The following KYAT3 variants were observed in gnomAD, a reference collection of about 807,000 sequenced individuals.
KYAT3 encodes the protein kynurenine aminotransferase 3.
A neutral mutation model predicts 59.0 loss-of-function variants in KYAT3; 50 were observed. That is an observed-to-expected ratio of 0.85 (90% CI 0.68 to 1.07). KYAT3 has a LOEUF of 1.07. KYAT3 is among the 50% of genes least tolerant of loss of function. The pLI is 0.00. For synonymous variants in KYAT3, 148 were observed against 177.0 expected (o/e 0.84, Z 1.30); for missense variants, 497 against 533.3 (o/e 0.93, Z 0.67).
At chr1:88,978,975 G>C (rs1350377326) in intron 2 of KYAT3, among the ~76,000 whole-genome samples, 2 of 152,144 alleles carry the variant, frequency 1.3e-5, no homozygotes, top group African/African-American at 4.8e-5. Flanking sequence ...TTTTGCTAAA[G>C]GGCAGAGTAC....
intron 2 of KYAT3, among the ~76,000 whole-genome samples, chr1:88,975,431 A>C (rs542099400): frequency 1.3e-5 from 2 of 152,142 alleles, no homozygotes; most frequent in African/African-American, 2.4e-5. Context: ...GATTACAGGC[A>C]TGAGCCACAG....
At chr1:88,978,299 C>T (rs1676893843) in intron 2 of KYAT3, among the ~76,000 whole-genome samples, 1 of 151,880 alleles carries the variant, frequency 6.6e-6, no homozygotes, top group African/African-American at 2.4e-5. Flanking sequence ...GTGTTGGCTG[C>T]TCATGCTTCT....
chr1:88,934,661 T>A (rs1294384703), downstream of KYAT3, among the ~76,000 whole-genome samples: 1 of 152,094 alleles, frequency 6.6e-6, no homozygotes, highest in Non-Finnish European at 1.5e-5. Context: ...GATAGAACAA[T>A]GGTGCAAATA....
the KYAT3 span, among the ~76,000 whole-genome samples, chr1:88,929,262 C>T: frequency 1.3e-5 from 2 of 152,196 alleles, no homozygotes; most frequent in South Asian, 2.1e-4. Context: ...AGAAACCCAA[C>T]GGACAGTGGA....
At chr1:88,925,787 AG>A in the KYAT3 span, among the ~76,000 whole-genome samples, 1 of 152,190 alleles carries the variant, frequency 6.6e-6, no homozygotes, top group Non-Finnish European at 1.5e-5. Flanking sequence ...AAAGAGAAAA[AG>A]AAAAAGACAG....
intron 13 of KYAT3, among the ~76,000 whole-genome samples, chr1:88,936,529 T>C (rs567794516): frequency 1.5e-3 from 222 of 152,320 alleles, no homozygotes; most frequent in Non-Finnish European, 2.7e-3. Flanking sequence ...TCCCTCTACC[T>C]TCAAGATAAC....
chr1:88,974,704 G>C (rs1480004906), intron 2 of KYAT3, among the ~76,000 whole-genome samples: 1 of 152,070 alleles, frequency 6.6e-6, no homozygotes, highest in Non-Finnish European at 1.5e-5. Context: ...TCTGTGTCTA[G>C]CTAAAGGATT....
At chr1:88,932,830 C>T (rs1265274599), downstream of KYAT3, among the ~76,000 whole-genome samples, 1 of 152,110 alleles carries the variant, frequency 6.6e-6, no homozygotes, top group East Asian at 1.9e-4. Flanking sequence ...AATGGAACAA[C>T]ACCCTGATTC....
At chr1:88,969,495 TTGCCTTAG>T (rs771953472) in intron 2 of KYAT3, 28 bp from the exon 3 acceptor site, 1 of 1,345,330 alleles carries the variant, frequency 7.4e-7, no homozygotes, top group South Asian at 1.2e-5. Context: ...TGAAAAGGAA[TTGCCTTAG>T]TCAAAATTTT....
chr1:88,964,209 CA>C (rs1421093696), intron 5 of KYAT3, among the ~76,000 whole-genome samples: 1 of 151,800 alleles, frequency 6.6e-6, no homozygotes, highest in Non-Finnish European at 1.5e-5. Flanking sequence ...CTCAAAAAAA[CA>C]AAAACAATCA....
chr1:88,934,411 G>C (rs564723687), downstream of KYAT3, among the ~76,000 whole-genome samples: 1 of 152,200 alleles, frequency 6.6e-6, no homozygotes, highest in Non-Finnish European at 1.5e-5. Context: ...CTGAGATTAC[G>C]GCACTGCCTC....
At chr1:88,984,731 T>C (rs1011545578) in intron 2 of KYAT3, among the ~76,000 whole-genome samples, 7 of 152,212 alleles carry the variant, frequency 4.6e-5, no homozygotes, top group Non-Finnish European at 7.3e-5. Flanking sequence ...GGGCTGATAT[T>C]TGCAGGGCTA....
At chr1:88,983,881 C>G in intron 2 of KYAT3, 1 of 1,609,720 alleles carries the variant, frequency 6.2e-7, no homozygotes, top group Non-Finnish European at 8.5e-7. Flanking sequence ...CTCCAACAAG[C>G]TCGCCGACAG....
At chr1:88,933,369 A>C (rs375390619), downstream of KYAT3, among the ~76,000 whole-genome samples, 4 of 151,924 alleles carry the variant, frequency 2.6e-5, no homozygotes, top group African/African-American at 9.7e-5. Flanking sequence ...GAAGGAGGAG[A>C]AGAAGGAAAA....
chr1:88,929,112 C>T, the KYAT3 span, among the ~76,000 whole-genome samples: 5 of 151,898 alleles, frequency 3.3e-5, no homozygotes, highest in African/African-American at 9.7e-5. Context: ...TAAAGGAGCC[C>T]GCCTCCTTTC....
chr1:88,940,582 C>CA (rs972005062), intron 13 of KYAT3, among the ~76,000 whole-genome samples: 1 of 152,230 alleles, frequency 6.6e-6, no homozygotes, highest in African/African-American at 2.4e-5. Flanking sequence ...AAATTTAATA[C>CA]AGTTGATGTA....
chr1:88,976,709 T>C (rs755820765), intron 2 of KYAT3, among the ~76,000 whole-genome samples: 5 of 152,212 alleles, frequency 3.3e-5, no homozygotes, highest in Non-Finnish European at 5.9e-5. Flanking sequence ...ATGCATGTTA[T>C]TGTCCCTGAA....
the KYAT3 span, among the ~76,000 whole-genome samples, chr1:88,928,666 G>C: frequency 1.3e-5 from 2 of 152,092 alleles, no homozygotes; most frequent in East Asian, 3.9e-4. Flanking sequence ...AGGGTGCCCG[G>C]GGCAAGTGCC....
At chr1:88,945,412 A>G (rs1469291812) in intron 11 of KYAT3, among the ~76,000 whole-genome samples, 8 of 152,200 alleles carry the variant, frequency 5.3e-5, no homozygotes, top group African/African-American at 1.9e-4. Flanking sequence ...ATTTCACTAG[A>G]AAAACTGTAA....
Sources: gnomAD v4.1 joint callset for allele counts (sites outside exome capture counted in the v4.1 genomes callset) on GRCh38, gnomAD v4.1.1 for gene constraint, MANE v1.5 for transcripts, NCBI Gene and HGNC (gene_info 2026-07-23, HGNC 2026-07-21) for gene names.